MAST1: variants seen among roughly 807,000 people sequenced by gnomAD.
The protein encoded by MAST1 is microtubule associated serine/threonine kinase 1.
In MAST1, 40 loss-of-function variants were observed where a neutral mutation model predicts 124.6. That is an observed-to-expected ratio of 0.32 (90% CI 0.25 to 0.42). The LOEUF (loss-of-function observed/expected upper bound fraction) is 0.42. Among genes scored for constraint, MAST1 ranks in the 10% least tolerant of loss-of-function variants. MAST1 has a pLI of 1.00. For missense variants in MAST1, 1,558 were observed against 2,181.9 expected (o/e 0.71, Z 5.70); for synonymous variants, 938 against 939.4 (o/e 1.00, Z 0.03).
In MAST1 at chr19:12,874,728, T is replaced by C. The variant is rs1184302319; in HGVS notation, c.4571T>C (p.Val1524Ala). ...AAGTGCAGTGCACCCAGCAGTGCAG[T>C]GACCCCAGTCCCACCCGCATCCCTC... is the stretch of plus-strand genomic sequence containing the variant. Reference protein sequence around the residue: ...PAKCSAPSSAVTPVPPASLLG... With the variant: ...PAKCSAPSSAATPVPPASLLG... The change falls in exon 26 of 26, where the codon GTG becomes GCG. Residue 1524 changes from valine to alanine, a missense_variant. By Grantham distance (64) the Val-to-Ala change is moderately conservative. Around this residue, in one of 10 missense-constraint regions of MAST1, gnomAD observed 168 missense variants for 154.3 expected, o/e 1.09. Transcript: ENST00000251472. This position sits in a 1 kb window ranked among gnomAD's most constrained non-coding sequence, Gnocchi z 6.6. 1.3e-6 allele frequency: 2 copies of C among 1,598,552 alleles called. No individual in the cohort carries two copies. The highest frequency in any genetic ancestry group is 1.3e-5 in the African/African-American group (1 of 74,602).
intron 12 of MAST1, among the ~76,000 whole-genome samples, chr19:12,862,264 C>T (rs1162242489): frequency 2.6e-5 from 4 of 152,154 alleles, no homozygotes; most frequent in East Asian, 1.9e-4. Flanking sequence ...CTCGGCCTCC[C>T]GAAGTATGGG....
rs1599589505 is a variant in MAST1 at position 12,866,909 on chromosome 19, G to A, written c.2139+147G>A. 1.1e-5 allele frequency: 7 copies of A among 644,178 alleles called. No individual in the cohort carries two copies. Among genetic ancestry groups the A allele is most frequent in the African/African-American group, 5.4e-5 (3 of 55,170 alleles). The allele number at this position is 644,178 out of a possible 1,614,324, so 39.9% of individuals were successfully genotyped here. ...GGAGTCTGGAAGGTGGTAAGGCCACGCAAGAGGCAGGTTCGGGAGTCTATG... is the reference window on the plus strand; with the variant it reads ...GGAGTCTGGAAGGTGGTAAGGCCACACAAGAGGCAGGTTCGGGAGTCTATG... On this transcript the variant is annotated intron_variant, in intron 18 of 25. Transcript: ENST00000251472. The surrounding 1 kb of genome is among the most constrained non-coding windows in gnomAD (Gnocchi z 5.2).
Position 12,847,498 on chromosome 19 carries a change from C to G in MAST1, c.488+48C>G, listed in dbSNP as rs1434070715. On this transcript the variant is annotated intron_variant, in intron 5 of 25. Transcript: ENST00000251472. The surrounding 1 kb of genome is among the most constrained non-coding windows in gnomAD (Gnocchi z 5.5). ...TCGTACCAAGCTAGTGGTCTTAGGACTTGTGCTTAGAGAGACCCCTGTCCC... is the reference window on the plus strand; with the variant it reads ...TCGTACCAAGCTAGTGGTCTTAGGAGTTGTGCTTAGAGAGACCCCTGTCCC... 1.9e-6 allele frequency: 3 copies of G among 1,611,914 alleles called. No individual in the cohort carries two copies. Among genetic ancestry groups the G allele is most frequent in the Non-Finnish European group, 2.5e-6 (3 of 1,178,830 alleles).
intron 10 of MAST1, among the ~76,000 whole-genome samples, chr19:12,852,961 T>TTTTA (rs1239477503): frequency 2.3e-4 from 35 of 152,012 alleles, no homozygotes; most frequent in South Asian, 6.2e-4. Flanking sequence ...TTTATTTTAT[T>TTTTA]TTTATTTATT....
At chr19:12,846,302 C>T (rs1969893886) in intron 4 of MAST1, among the ~76,000 whole-genome samples, 1 of 152,022 alleles carries the variant, frequency 6.6e-6, no homozygotes, top group Non-Finnish European at 1.5e-5. Context: ...ATCCTCCCGC[C>T]TTCGCCTCCC....
At chr19:12,857,996 G>T (rs2145900626) in intron 10 of MAST1, among the ~76,000 whole-genome samples, 1 of 90,022 alleles carries the variant, frequency 1.1e-5, no homozygotes, top group African/African-American at 4.6e-5. Flanking sequence ...ATCAGAGTGA[G>T]AACCTATCTC....
intron 10 of MAST1, among the ~76,000 whole-genome samples, chr19:12,853,519 G>A (rs1411376377): frequency 6.6e-6 from 1 of 151,854 alleles, no homozygotes; most frequent in South Asian, 2.1e-4. Context: ...TCACACCACT[G>A]CACTCCAGCC....
chr19:12,844,137 C>T (rs1291161907), intron 4 of MAST1, among the ~76,000 whole-genome samples: 1 of 152,190 alleles, frequency 6.6e-6, no homozygotes, highest in African/African-American at 2.4e-5. Flanking sequence ...CTGGGAGGGT[C>T]CTTCCTACTC....
chr19:12,861,175 C>T (rs538200822), intron 12 of MAST1, among the ~76,000 whole-genome samples: 31 of 152,174 alleles, frequency 2.0e-4, no homozygotes, highest in African/African-American at 5.8e-4. Flanking sequence ...GATTCTCATG[C>T]CTCAGCCTCC....
intron 12 of MAST1, 131 bp downstream of exon 12, chr19:12,858,870 CCAGT>C: frequency 1.2e-6 from 1 of 823,464 alleles, no homozygotes; most frequent in Non-Finnish European, 2.0e-6. Flanking sequence ...ATTTATTTCT[CCAGT>C]CATTGATTTG....
At chr19:12,863,591 T>C (rs958235376) in intron 12 of MAST1, among the ~76,000 whole-genome samples, 1 of 152,152 alleles carries the variant, frequency 6.6e-6, no homozygotes, top group Non-Finnish European at 1.5e-5. Flanking sequence ...CAAGCCCTCA[T>C]GTAGCAAGGT....
chr19:12,840,990 G>A lies in MAST1; in HGVS notation c.173-1G>A. 8.2e-7 allele frequency: 1 copy of A among 1,221,854 alleles called. No homozygotes were observed. The highest frequency in any genetic ancestry group is 1.2e-6 in the Non-Finnish European group (1 of 820,982). 75.7% of individuals were successfully genotyped at this position (1,221,854 alleles called of 1,614,324 possible). ...GGATTTGCCCCCTCTTTCTCTCATAGGCAGCAGTCCCCTGGACAGCCCCCG... is the reference window on the plus strand; with the variant it reads ...GGATTTGCCCCCTCTTTCTCTCATAAGCAGCAGTCCCCTGGACAGCCCCCG... On this transcript the variant is annotated splice_acceptor_variant, in intron 2 of 25. Transcript: ENST00000251472. LOFTEE classifies it high-confidence loss of function.
Position 12,866,603 on chromosome 19 carries a change from T to C in MAST1, c.2030-50T>C. The C allele has an allele frequency of 2.4e-6, 3 of 1,243,208 alleles. No homozygotes were observed. The highest frequency in any genetic ancestry group is 3.5e-6 in the Non-Finnish European group (3 of 855,812). 77.0% of individuals were successfully genotyped at this position (1,243,208 alleles called of 1,614,324 possible). ...GGACTGGGCTCCTGTGGGGATGTGA[T>C]ATGAGGAGGAACCCCGTACCCTCAG... On this transcript the variant is annotated intron_variant, in intron 17 of 25. Transcript: ENST00000251472. The surrounding 1 kb of genome is among the most constrained non-coding windows in gnomAD (Gnocchi z 5.2).
intron 18 of MAST1, among the ~76,000 whole-genome samples, chr19:12,867,211 G>A (rs1970165979): frequency 6.6e-6 from 1 of 152,218 alleles, no homozygotes; most frequent in Non-Finnish European, 1.5e-5. Flanking sequence ...TAAATTAAGG[G>A]GGTTGCTGGG....
chr19:12,847,029 A>G lies in MAST1; in HGVS notation c.328-261A>G, dbSNP rs975316368. Among the ~76,000 whole-genome samples, 4 of 151,930 alleles carry G rather than the reference A, an allele frequency of 2.6e-5. No homozygotes were observed. The highest frequency in any genetic ancestry group is 5.9e-5 in the Non-Finnish European group (4 of 67,996). On this transcript the variant is annotated intron_variant, in intron 4 of 25. Coordinates refer to ENST00000251472, the MANE Select transcript of MAST1 (RefSeq NM_014975.3). The surrounding 1 kb of genome is among the most constrained non-coding windows in gnomAD (Gnocchi z 5.5). ...GGGTGTTCACCCTGAGTAAGGTGGG[A>G]GCCACCAAGGGTTCTGAACAGAGGA...
In MAST1 at chr19:12,853,713, C is replaced by T. The variant is rs186487785; in HGVS notation, c.1077+1318C>T. Among the ~76,000 whole-genome samples the T allele has an allele frequency of 2.7e-3, 408 of 150,984 alleles. 4 individuals carry two copies. Among genetic ancestry groups the T allele is most frequent in the African/African-American group, 9.4e-3 (388 of 41,146 alleles). On this transcript the variant is annotated intron_variant, in intron 10 of 25. Coordinates refer to ENST00000251472, the MANE Select transcript of MAST1 (RefSeq NM_014975.3). ...TGAAACCCCATTTCCACTAAAAATA[C>T]AAAAAAATTAGTTGGGCGTGGTGGC...
In MAST1 at chr19:12,866,703, A is replaced by G. The variant is rs781600228; in HGVS notation, c.2080A>G (p.Thr694Ala). ...HVNSYDEDDT[T>A]EEEPVEIRQF... is the part of the protein sequence containing the mutation. ...GAACTCCTATGACGAGGATGACACG[A>G]CGGAGGAGGAGCCCGTGGAAATCCG... The change falls in exon 18 of 26, where the codon ACG becomes GCG. Residue 694 changes from threonine (T) to alanine (A), a missense_variant. Coordinates refer to ENST00000251472, the MANE Select transcript of MAST1 (RefSeq NM_014975.3). The surrounding 1 kb of genome is among the most constrained non-coding windows in gnomAD (Gnocchi z 5.2). 2.5e-6 allele frequency: 4 copies of G among 1,613,936 alleles called. No homozygotes were observed. In the South Asian group the frequency reaches 4.4e-5, roughly 18 times the overall value.
intron 22 of MAST1, among the ~76,000 whole-genome samples, chr19:12,869,726 G>A (rs1313694514): frequency 5.9e-5 from 9 of 151,950 alleles, no homozygotes; most frequent in Admixed American, 5.9e-4. Flanking sequence ...GTGAGCCACG[G>A]TGCCTGGCCG....
Position 12,868,846 on chromosome 19 carries a change from G to A in MAST1, c.2770G>A (p.Ala924Thr). 2 of 1,573,708 alleles carry A rather than the reference G, an allele frequency of 1.3e-6. No homozygotes were observed. Among genetic ancestry groups the A allele is most frequent in the Middle Eastern group, 1.7e-4 (1 of 5,872 alleles). Residue 924 changes from alanine (A) to threonine (T), a missense_variant, in exon 21 of 26, where the codon GCA (alanine) becomes ACA (threonine). This residue lies in a region of MAST1 where 291 missense variants were observed against 475.8 expected (regional missense o/e 0.61). Coordinates refer to ENST00000251472, the MANE Select transcript of MAST1 (RefSeq NM_014975.3). The stretch of plus-strand genomic sequence containing the variant: ...CACTGCCTTATCTGTCATGATTCCT[G>A]CAGGTAATGCTGGGCCCCACCTGGC... The part of the protein sequence containing the change: ...SATALSVMIP[A>T]VDPHGSSPLA...
Sources: gnomAD v4.1 joint callset for allele counts (sites outside exome capture counted in the v4.1 genomes callset) on GRCh38, gnomAD v4.1.1 for gene constraint, gnomAD v4.1.1 regional missense constraint, Gnocchi (gnomAD v3.1) non-coding constraint, MANE v1.5 for transcripts, NCBI Gene and HGNC (gene_info 2026-07-23, HGNC 2026-07-21) for gene names.